The following ZDHHC9 variants were observed in gnomAD, a reference collection of about 807,000 sequenced individuals.
The protein encoded by ZDHHC9 is zDHHC palmitoyltransferase 9, also known as palmitoyltransferase ZDHHC9.
Under a neutral mutation model 26.6 loss-of-function variants are expected in ZDHHC9, and 3 were observed. The ratio of observed to expected loss-of-function variants is 0.11; its 90% CI spans 0.05 to 0.29. The LOEUF (loss-of-function observed/expected upper bound fraction) is 0.29. Among genes scored for constraint, ZDHHC9 ranks in the 10% least tolerant of loss-of-function variants. The pLI, the probability that ZDHHC9 is intolerant of heterozygous loss-of-function variation, is 1.00. For synonymous variants in ZDHHC9, 111 were observed against 109.4 expected, an observed-to-expected ratio of 1.01 and a Z score of -0.09; for missense variants, 146 against 296.4, an observed-to-expected ratio of 0.49 and a Z score of 3.73.
At chrX:129,840,935 C>T (rs1468801291) in intron 3 of ZDHHC9, among the ~76,000 whole-genome samples, 1 of 110,907 alleles carries the variant, frequency 9.0e-6, no homozygotes, top group Non-Finnish European at 1.9e-5. Context: ...GCACGCTCAC[C>T]TCAGGTGTGG....
chrX:129,814,563 G>C, intron 6 of ZDHHC9, 95 bp downstream of exon 6: 1 of 1,132,288 alleles, frequency 8.8e-7, no homozygotes, highest in Admixed American at 2.2e-5. Context: ...CTTTCACAAT[G>C]GTACCACCAG....
rs1927436012 is a variant in ZDHHC9, at chrX:129,803,338, A to G, written c.*3032T>C. 8.9e-6 allele frequency: 1 copy of G among 112,356 alleles called. No individual in the cohort carries two copies. The highest frequency in any genetic ancestry group is 1.9e-5 in the Non-Finnish European group (1 of 53,256). The allele number at this position is 112,356 out of a possible 1,213,427, so 9.3% of individuals were successfully genotyped here. A position where few individuals can be genotyped will look rare whatever the true frequency, so the allele number is the denominator to read the frequency against. ...TTCTAAAACCATTCAAGGCTCCTTCATTAATTGGCTTCCCCCCAAAAGAAA... is the reference window on the plus strand; with the variant it reads ...TTCTAAAACCATTCAAGGCTCCTTCGTTAATTGGCTTCCCCCCAAAAGAAA... On this transcript the variant is annotated 3_prime_UTR_variant, in exon 11 of 11. Transcript: ENST00000357166.
chrX:129,812,881 A>G lies in ZDHHC9; in HGVS notation c.675-61T>C, dbSNP rs1047457102. On this transcript the variant is annotated intron_variant, in intron 7 of 10. Transcript: ENST00000357166. ...ATCAGGAGACTTGATGCCTCCGCCC[A>G]TATTCAGAGCACCAGTCAGACCATC... 1.0e-5 allele frequency: 8 copies of G among 798,506 alleles called. No individual in the cohort carries two copies. The African/African-American group carries it at 1.6e-4, about 16-fold the overall frequency. 65.8% of individuals were successfully genotyped at this position (798,506 alleles called of 1,213,427 possible).
chrX:129,812,903 CA>C lies in ZDHHC9; in HGVS notation c.675-84del, dbSNP rs1190120051. ...CCCATATTCAGAGCACCAGTCAGAC[CA>C]TCTTTACCTCCTGGAACGTATATCA... On this transcript the variant is annotated intron_variant, in intron 7 of 10. Transcript: ENST00000357166. 4 of 640,658 alleles carry C rather than the reference CA, an allele frequency of 6.2e-6. No homozygotes were observed. In the African/African-American group the frequency reaches 8.7e-5, roughly 14 times the overall value. 52.8% of individuals were successfully genotyped at this position (640,658 alleles called of 1,213,427 possible). A position where few individuals can be genotyped will look rare whatever the true frequency, so the allele number is the denominator to read the frequency against.
Position 129,841,770 on chromosome X carries a change from G to T in ZDHHC9, c.167+9C>A. 8.3e-7 allele frequency: 1 copy of T among 1,211,441 alleles called. No homozygotes were observed. Among genetic ancestry groups the T allele is most frequent in the Non-Finnish European group, 1.1e-6 (1 of 895,356 alleles). On this transcript the variant is annotated intron_variant, in intron 3 of 10. Transcript: ENST00000357166. ...CATAATCAGGTAACTCTACTCAACC[G>T]AAACTCACTCAAAGGCGAAGAAGAG... is the stretch of plus-strand genomic sequence containing the variant.
chrX:129,812,683 G>T (rs1927669079), intron 8 of ZDHHC9, 35 bp downstream of exon 8: 1 of 1,101,110 alleles, frequency 9.1e-7, no homozygotes, highest in African/African-American at 1.8e-5. Flanking sequence ...TTGGGAAGAA[G>T]AATATGTGGT....
At chrX:129,817,594 C>T (rs1220994692) in intron 5 of ZDHHC9, among the ~76,000 whole-genome samples, 3 of 111,727 alleles carry the variant, frequency 2.7e-5, no homozygotes, top group African/African-American at 9.8e-5. Context: ...TTTCATTACT[C>T]CAAACAGAAA....
At chrX:129,810,830 C>T in intron 10 of ZDHHC9, 75 bp downstream of exon 10, 1 of 919,734 alleles carries the variant, frequency 1.1e-6, no homozygotes, top group Non-Finnish European at 1.6e-6. Flanking sequence ...ACAATATTGC[C>T]TAATTATATT....
intron 3 of ZDHHC9, among the ~76,000 whole-genome samples, chrX:129,836,273 T>TTTTATTTA (rs200536288): frequency 7.2e-5 from 8 of 111,007 alleles, no homozygotes; most frequent in African/African-American, 2.3e-4. Context: ...CTTTTTTCTA[T>TTTTATTTA]TTTATTTATT....
intron 5 of ZDHHC9, among the ~76,000 whole-genome samples, chrX:129,818,151 C>G (rs959693447): frequency 2.7e-5 from 3 of 111,598 alleles, no homozygotes; most frequent in African/African-American, 6.5e-5. Context: ...GGATGAGACA[C>G]CAGTAGTGTG....
At chrX:129,833,175 A>G (rs1226414709) in intron 3 of ZDHHC9, among the ~76,000 whole-genome samples, 1 of 111,468 alleles carries the variant, frequency 9.0e-6, no homozygotes, top group Non-Finnish European at 1.9e-5. Context: ...AAATGCAACC[A>G]TGTCCCAACT....
chrX:129,843,589 G>C (rs1455069129), intron 1 of ZDHHC9, 107 bp downstream of exon 1: 1 of 111,516 alleles, frequency 9.0e-6, no homozygotes, highest in African/African-American at 3.3e-5. Flanking sequence ...GGCGGCTGCC[G>C]AGTTGAGAAG....
At chrX:129,814,190 G>T (rs746302249) in intron 6 of ZDHHC9, among the ~76,000 whole-genome samples, 18 of 111,866 alleles carry the variant, frequency 1.6e-4, no homozygotes, top group African/African-American at 5.8e-4. Context: ...GTGTGTGTGG[G>T]TGTGTATGTT....
rs755229553 is a variant in ZDHHC9 at position 129,814,662 on chromosome X, G to A, written c.621C>T (p.Ala207=). 7.4e-6 allele frequency: 9 copies of A among 1,209,282 alleles called. No homozygotes were observed. The highest frequency in any genetic ancestry group is 5.3e-5 in the South Asian group (3 of 56,768). The change falls in exon 6 of 11, where the codon GCC becomes GCT. Residue 207 remains alanine, a synonymous_variant. Coordinates refer to ENST00000357166, the MANE Select transcript of ZDHHC9 (RefSeq NM_016032.4). The part of the protein sequence containing the change: ...YVFAFNIVYV[A]LKSLKIGFLE... ...GACACTGCCCTGTATACTCACTGAG[G>A]GCCACATAGACGATGTTGAAGGCGA... is the stretch of plus-strand genomic sequence containing the variant.
intron 4 of ZDHHC9, among the ~76,000 whole-genome samples, chrX:129,825,131 C>T (rs1310862127): frequency 1.8e-5 from 2 of 110,981 alleles, no homozygotes; most frequent in Non-Finnish European, 1.9e-5. Flanking sequence ...GGCAAAACCC[C>T]GTGTCTACTA....
chrX:129,821,850 A>C (rs1175955994), intron 5 of ZDHHC9, among the ~76,000 whole-genome samples: 1 of 110,237 alleles, frequency 9.1e-6, no homozygotes, highest in Non-Finnish European at 1.9e-5. Context: ...TGAACCCAGG[A>C]GGTGGAGGTT....
intron 3 of ZDHHC9, among the ~76,000 whole-genome samples, chrX:129,839,238 T>C (rs1392077018): frequency 9.2e-6 from 1 of 108,479 alleles, no homozygotes; most frequent in Non-Finnish European, 1.9e-5. Context: ...TTTTTTTTTT[T>C]TTTAAGACAG....
intron 6 of ZDHHC9, among the ~76,000 whole-genome samples, chrX:129,814,403 G>T (rs1045794378): frequency 2.7e-5 from 3 of 111,934 alleles, no homozygotes; most frequent in African/African-American, 9.7e-5. Flanking sequence ...CCAGTACTCT[G>T]GATACAGACC....
chrX:129,833,072 C>G (rs1569322402), intron 3 of ZDHHC9, among the ~76,000 whole-genome samples: 1 of 110,388 alleles, frequency 9.1e-6, no homozygotes, highest in Non-Finnish European at 1.9e-5. Flanking sequence ...TATCCATATA[C>G]TTCTTAAAAC....
Sources: allele counts gnomAD v4.1 joint callset (sites outside exome capture counted in the v4.1 genomes callset), GRCh38; gene constraint gnomAD v4.1.1; transcripts MANE v1.5; gene names NCBI Gene and HGNC (gene_info 2026-07-23, HGNC 2026-07-21).